AKAP10: variants seen among roughly 807,000 people sequenced by gnomAD.
The protein encoded by AKAP10 is A-kinase anchoring protein 10.
Under a neutral mutation model 80.8 loss-of-function variants are expected in AKAP10, and 24 were observed. That is an observed-to-expected ratio of 0.30 (90% CI 0.22 to 0.42). The LOEUF (loss-of-function observed/expected upper bound fraction) is 0.42, where lower values mean the gene tolerates loss of function less well. Among genes scored for constraint, AKAP10 ranks in the 10% least tolerant of loss-of-function variants. The pLI is 1.00. For synonymous variants in AKAP10, 291 were observed against 277.7 expected (o/e 1.05, Z -0.48); for missense variants, 661 against 794.9 (o/e 0.83, Z 2.03).
intron 12 of AKAP10, 134 bp downstream of exon 12, chr17:19,919,902 G>A (rs1318408104): frequency 6.0e-6 from 4 of 663,056 alleles, no homozygotes; most frequent in Non-Finnish European, 9.8e-6. Flanking sequence ...ACTTACTTCT[G>A]ACTATAAACA....
At chr17:19,946,251 A>ATATATAT (rs2043118453) in intron 5 of AKAP10, among the ~76,000 whole-genome samples, 1 of 19,388 alleles carries the variant, frequency 5.2e-5, no homozygotes, top group Admixed American at 8.5e-4. Context: ...ATATATATAT[A>ATATATAT]TATATATATA....
intron 12 of AKAP10, among the ~76,000 whole-genome samples, chr17:19,918,536 G>C (rs1567752909): frequency 6.6e-6 from 1 of 152,156 alleles, no homozygotes; most frequent in Non-Finnish European, 1.5e-5. Flanking sequence ...TGGCCAGGAT[G>C]GTCTCAATCT....
intron 1 of AKAP10, among the ~76,000 whole-genome samples, chr17:19,977,319 C>T (rs1348017186): frequency 1.3e-5 from 2 of 152,252 alleles, no homozygotes; most frequent in Non-Finnish European, 2.9e-5. Context: ...CACCTAAGAA[C>T]TGTTCTTAAC....
chr17:19,967,022 A>G (rs899569177), intron 2 of AKAP10, among the ~76,000 whole-genome samples: 4 of 152,188 alleles, frequency 2.6e-5, no homozygotes, highest in Non-Finnish European at 5.9e-5. Context: ...CTAAGTTATA[A>G]TTAGTCTTCT....
intron 3 of AKAP10, among the ~76,000 whole-genome samples, chr17:19,962,167 G>A (rs532011672): frequency 1.3e-5 from 2 of 152,060 alleles, no homozygotes; most frequent in South Asian, 2.1e-4. Context: ...CAGAGCATGC[G>A]TATACCACAA....
chr17:19,955,103 T>G (rs2043259001), intron 4 of AKAP10, among the ~76,000 whole-genome samples: 1 of 151,632 alleles, frequency 6.6e-6, no homozygotes, highest in South Asian at 2.1e-4. Flanking sequence ...GTGCCTATAA[T>G]CCCAGCTACT....
chr17:19,926,955 T>C (rs560416521), intron 10 of AKAP10, among the ~76,000 whole-genome samples: 1 of 152,218 alleles, frequency 6.6e-6, no homozygotes, highest in African/African-American at 2.4e-5. Flanking sequence ...ACACTGTCTC[T>C]ACTAAAAATG....
intron 8 of AKAP10, among the ~76,000 whole-genome samples, chr17:19,938,908 T>C (rs9912184): frequency 0.068 from 10,281 of 152,064 alleles, 1,033 homozygotes; most frequent in African/African-American, 0.22. Context: ...AATTTTTGTA[T>C]TTTTAGTAAA....
At chr17:19,916,148 T>G (rs1297931768) in intron 12 of AKAP10, among the ~76,000 whole-genome samples, 1 of 152,210 alleles carries the variant, frequency 6.6e-6, no homozygotes, top group Non-Finnish European at 1.5e-5. Context: ...ACGCCCCCGC[T>G]GCGCTCAGGT....
intron 13 of AKAP10, among the ~76,000 whole-genome samples, chr17:19,909,662 T>A (rs530964071): frequency 6.6e-6 from 1 of 152,354 alleles, no homozygotes; most frequent in East Asian, 1.9e-4. Context: ...TGATTACTGA[T>A]GCCTGCTGGC....
chr17:19,935,973 A>G (rs1410729761), intron 9 of AKAP10: 1 of 195,748 alleles, frequency 5.1e-6, no homozygotes, highest in Non-Finnish European at 1.0e-5. Context: ...TTATTCTTTT[A>G]TCTTTTTAGT....
Position 19,977,574 on chromosome 17 carries a change from C to T in AKAP10, c.88+18G>A. 1 of 1,233,208 alleles carries T rather than the reference C, an allele frequency of 8.1e-7. No homozygotes were observed. Among genetic ancestry groups the T allele is most frequent in the Non-Finnish European group, 1.0e-6 (1 of 987,642 alleles). The allele number at this position is 1,233,208 out of a possible 1,614,324, so 76.4% of individuals were successfully genotyped here. ...CCTGAGGCCCGGCCTGACTCCCCGCCGGCGCCCCCTCAGCTACCTTTCCGC... is the reference window on the plus strand; with the variant it reads ...CCTGAGGCCCGGCCTGACTCCCCGCTGGCGCCCCCTCAGCTACCTTTCCGC... On this transcript the variant is annotated intron_variant, in intron 1 of 14. Coordinates refer to ENST00000225737, the MANE Select transcript of AKAP10 (RefSeq NM_007202.4).
intron 10 of AKAP10, among the ~76,000 whole-genome samples, chr17:19,930,503 T>G (rs920459934): frequency 8.6e-5 from 13 of 151,718 alleles, no homozygotes; most frequent in African/African-American, 2.7e-4. Flanking sequence ...AAACACAACA[T>G]TATAGGTAGT....
intron 7 of AKAP10, 144 bp downstream of exon 7, chr17:19,940,743 C>T (rs2043043059): frequency 3.4e-6 from 3 of 893,602 alleles, no homozygotes; most frequent in East Asian, 3.0e-5. Context: ...ATTACTCTTG[C>T]CATCAGAAAC....
rs192384723 is a variant in AKAP10 at position 19,933,777 on chromosome 17, G to A, written c.1468-1799C>T. The stretch of plus-strand genomic sequence containing the variant: ...TTTATGTATGGTATTATATAATAGC[G>A]TTTAATTAAGTTTTTTCACCTGGAT... On this transcript the variant is annotated intron_variant, in intron 9 of 14. Coordinates refer to ENST00000225737, the MANE Select transcript of AKAP10 (RefSeq NM_007202.4). Among the ~76,000 whole-genome samples the A allele has an allele frequency of 2.3e-3, 349 of 152,092 alleles. 1 individual carries two copies. Among genetic ancestry groups the A allele is most frequent in the Admixed American group, 3.9e-3 (60 of 15,274 alleles).
At chr17:19,931,118 G>A (rs187200472) in intron 10 of AKAP10, among the ~76,000 whole-genome samples, 115 of 151,960 alleles carry the variant, frequency 7.6e-4, no homozygotes, top group Admixed American at 2.5e-3. Flanking sequence ...AGGTTGCAGC[G>A]AGGAGACCCT....
intron 10 of AKAP10, among the ~76,000 whole-genome samples, chr17:19,931,035 G>A (rs537257986): frequency 2.6e-5 from 4 of 152,166 alleles, no homozygotes; most frequent in African/African-American, 7.2e-5. Context: ...TTAGCCAGGC[G>A]TGGTGGTGCA....
At chr17:19,975,402 A>T (rs1310617106) in intron 1 of AKAP10, among the ~76,000 whole-genome samples, 1 of 152,142 alleles carries the variant, frequency 6.6e-6, no homozygotes, top group Non-Finnish European at 1.5e-5. Flanking sequence ...CTCCAGTCAC[A>T]GTAGCCTTCT....
chr17:19,939,903 C>A (rs1042033654), intron 7 of AKAP10, 54 bp from the exon 8 acceptor site: 2 of 1,554,800 alleles, frequency 1.3e-6, no homozygotes, highest in Non-Finnish European at 1.7e-6. Context: ...ATTTCTCTCA[C>A]AATCTCTAAT....
Sources: gnomAD v4.1 joint callset for allele counts (sites outside exome capture counted in the v4.1 genomes callset) on GRCh38, gnomAD v4.1.1 for gene constraint, MANE v1.5 for transcripts, NCBI Gene and HGNC (gene_info 2026-07-23, HGNC 2026-07-21) for gene names.